The following PTGFR variants were observed in gnomAD, a reference collection of about 807,000 sequenced individuals.
The protein encoded by PTGFR is prostaglandin F2-alpha receptor.
In PTGFR, 15 loss-of-function variants were observed where a neutral mutation model predicts 26.2. That is an observed-to-expected ratio of 0.57 (90% CI 0.38 to 0.88). The LOEUF (loss-of-function observed/expected upper bound fraction) is 0.88. PTGFR is among the 40% of genes least tolerant of loss of function. The pLI, the probability that PTGFR is intolerant of heterozygous loss-of-function variation, is 0.00. For missense variants in PTGFR, 369 were observed against 427.2 expected, an observed-to-expected ratio of 0.86 and a Z score of 1.20; for synonymous variants, 165 against 151.1, an observed-to-expected ratio of 1.09 and a Z score of -0.68.
rs145978456 is a variant in PTGFR, at chr1:78,494,475, G to T, written c.798+934G>T. ...GGCATCCAGAGATAGCAATCCAGGT[G>T]GGGTGGAAGTAAGACAAAGGTAGTG... On this transcript the variant is annotated intron_variant, in intron 2 of 2. Transcript: ENST00000370757. Among the ~76,000 whole-genome samples, 400 of 152,322 alleles carry T rather than the reference G, an allele frequency of 2.6e-3. 1 individual carries two copies. Among genetic ancestry groups the T allele is most frequent in the Admixed American group, 5.1e-3 (78 of 15,302 alleles).
At chr1:78,532,428 ATG>A (rs1650538118) in intron 2 of PTGFR, 1 of 121,378 alleles carries the variant, frequency 8.2e-6, no homozygotes. Context: ...GTGTGTATAT[ATG>A]TGTATATATT....
chr1:78,500,443 G>A (rs984582776), intron 2 of PTGFR, among the ~76,000 whole-genome samples: 31 of 152,170 alleles, frequency 2.0e-4, no homozygotes, highest in Admixed American at 5.9e-4. Flanking sequence ...CTGTCTCTTG[G>A]GGTCAGTCTA....
chr1:78,493,672 G>A, intron 2 of PTGFR, 131 bp downstream of exon 2: 1 of 880,824 alleles, frequency 1.1e-6, no homozygotes, highest in Non-Finnish European at 1.6e-6. Context: ...CTCAGCTCTG[G>A]CTTAGAATTA....
At chr1:78,527,488 G>A (rs901336519) in intron 2 of PTGFR, among the ~76,000 whole-genome samples, 2 of 152,058 alleles carry the variant, frequency 1.3e-5, no homozygotes, top group South Asian at 2.1e-4. Context: ...AAATGTAATT[G>A]TAATTATATC....
chr1:78,508,219 T>G (rs892756405), intron 2 of PTGFR, among the ~76,000 whole-genome samples: 12 of 152,258 alleles, frequency 7.9e-5, no homozygotes, highest in African/African-American at 2.9e-4. Context: ...CTTGATTTAT[T>G]ATTCATAAAA....
At chr1:78,523,665 A>G (rs542924499) in intron 2 of PTGFR, among the ~76,000 whole-genome samples, 7 of 152,272 alleles carry the variant, frequency 4.6e-5, no homozygotes, top group African/African-American at 1.7e-4. Flanking sequence ...CTGCAACAGA[A>G]TTTTATTTTA....
At chr1:78,535,082 C>T (rs1480271089) in intron 2 of PTGFR, among the ~76,000 whole-genome samples, 1 of 152,124 alleles carries the variant, frequency 6.6e-6, no homozygotes, top group Non-Finnish European at 1.5e-5. Flanking sequence ...GAAGCCTGGG[C>T]ACTGGGCTCC....
At chr1:78,491,418 C>T (rs1178653166) in intron 1 of PTGFR, among the ~76,000 whole-genome samples, 182 bp downstream of exon 1, 1 of 152,216 alleles carries the variant, frequency 6.6e-6, no homozygotes, top group Non-Finnish European at 1.5e-5. Flanking sequence ...CGAGCTAACC[C>T]ATCCCCATTC....
At chr1:78,514,618 T>C (rs1351064264) in intron 2 of PTGFR, among the ~76,000 whole-genome samples, 1 of 152,124 alleles carries the variant, frequency 6.6e-6, no homozygotes, top group East Asian at 1.9e-4. Context: ...CTTGACTGTA[T>C]TTTGAAATGT....
rs1375512470 is a variant in PTGFR, at chr1:78,537,051, T to C, written c.*364T>C. ...TAATGCAGCCTGCATAGTGAAATGG[T>C]TATTTTGAGATCACCGCTCTGTAGC... is the stretch of plus-strand genomic sequence containing the variant. On this transcript the variant is annotated 3_prime_UTR_variant, in exon 3 of 3. Transcript: ENST00000370757. 5.3e-6 allele frequency: 1 copy of C among 189,122 alleles called. No individual in the cohort carries two copies. Among genetic ancestry groups the C allele is most frequent in the East Asian group, 1.5e-4 (1 of 6,734 alleles). 11.7% of individuals were successfully genotyped at this position (189,122 alleles called of 1,614,324 possible).
intron 2 of PTGFR, among the ~76,000 whole-genome samples, chr1:78,524,443 A>C (rs1446500529): frequency 6.6e-6 from 1 of 152,126 alleles, no homozygotes; most frequent in Non-Finnish European, 1.5e-5. Context: ...TATGGAATGA[A>C]TATTTGCATA....
At chr1:78,531,453 G>A (rs1022079718) in intron 2 of PTGFR, among the ~76,000 whole-genome samples, 4 of 151,958 alleles carry the variant, frequency 2.6e-5, no homozygotes, top group African/African-American at 7.3e-5. Context: ...TAAGAACAGC[G>A]AAGGCTTATG....
intron 2 of PTGFR, among the ~76,000 whole-genome samples, chr1:78,499,155 G>A (rs1310610836): frequency 6.6e-6 from 1 of 152,108 alleles, no homozygotes; most frequent in African/African-American, 2.4e-5. Flanking sequence ...CCTGAGCCTT[G>A]GTGTTCTCCT....
chr1:78,523,592 G>A (rs571347363), intron 2 of PTGFR, among the ~76,000 whole-genome samples: 1 of 144,986 alleles, frequency 6.9e-6, no homozygotes, highest in East Asian at 2.1e-4. Context: ...GGCACAGGTA[G>A]GGTGGATAGG....
At position 78,537,989 on chromosome 1, in the gene PTGFR, A is replaced by G. The variant is rs1235106973; in HGVS notation, c.*1302A>G. ...TTATAATAGGAAAATGTATTTCTGTATAAGAGTTCTTTGCTTTCATTAACT... is the reference window on the plus strand; with the variant it reads ...TTATAATAGGAAAATGTATTTCTGTGTAAGAGTTCTTTGCTTTCATTAACT... On this transcript the variant is annotated 3_prime_UTR_variant, in exon 3 of 3. Transcript: ENST00000370757. 6.6e-6 allele frequency: 1 copy of G among 152,130 alleles called. No homozygotes were observed. The highest frequency in any genetic ancestry group is 2.4e-5 in the African/African-American group (1 of 41,444). 9.4% of individuals were successfully genotyped at this position (152,130 alleles called of 1,614,324 possible).
At chr1:78,531,547 T>C (rs745507538) in intron 2 of PTGFR, among the ~76,000 whole-genome samples, 4 of 152,148 alleles carry the variant, frequency 2.6e-5, no homozygotes, top group Non-Finnish European at 5.9e-5. Context: ...CTTGAGTAAA[T>C]AGAAACTTTT....
At chr1:78,506,345 C>G (rs1329957987) in intron 2 of PTGFR, among the ~76,000 whole-genome samples, 1 of 151,650 alleles carries the variant, frequency 6.6e-6, no homozygotes, top group Non-Finnish European at 1.5e-5. Context: ...TGGAAAAAAT[C>G]TTTTATTTTT....
chr1:78,497,328 T>C (rs1166595672), intron 2 of PTGFR, among the ~76,000 whole-genome samples: 1 of 152,160 alleles, frequency 6.6e-6, no homozygotes, highest in Non-Finnish European at 1.5e-5. Context: ...CTTATTATCT[T>C]ACAGTTCCAT....
chr1:78,500,055 T>A (rs547544877), intron 2 of PTGFR, among the ~76,000 whole-genome samples: 33 of 146,528 alleles, frequency 2.3e-4, no homozygotes, highest in East Asian at 1.9e-3. Context: ...ATTTTTTTCA[T>A]AATGTATTTT....
Sources: gnomAD v4.1 joint callset for allele counts (sites outside exome capture counted in the v4.1 genomes callset) on GRCh38, gnomAD v4.1.1 for gene constraint, MANE v1.5 for transcripts, NCBI Gene and HGNC (gene_info 2026-07-23, HGNC 2026-07-21) for gene names.